Variants in ATRNL1 observed in about 807,000 individuals in gnomAD.
The protein encoded by ATRNL1 is attractin-like protein 1.
ATRNL1 carries 95 observed loss-of-function variants against 182.7 expected under a neutral mutation model. That is an observed-to-expected ratio of 0.52 (90% CI 0.44 to 0.62). The LOEUF (loss-of-function observed/expected upper bound fraction) is 0.62. Ranked by LOEUF, ATRNL1 falls within the 20% of genes least tolerant of loss-of-function variation. ATRNL1 has a pLI of 0.00. For synonymous variants in ATRNL1, 576 were observed against 568.3 expected (o/e 1.01, Z -0.19); for missense variants, 1,471 against 1,679.5 (o/e 0.88, Z 2.17).
chr10:115,544,422 G>A (rs1852530357), intron 25 of ATRNL1, among the ~76,000 whole-genome samples: 1 of 152,126 alleles, frequency 6.6e-6, no homozygotes, highest in Non-Finnish European at 1.5e-5. Flanking sequence ...TTTACAGGAA[G>A]GATGGTGCTG....
At chr10:115,738,427 G>T (rs551047060) in intron 27 of ATRNL1, among the ~76,000 whole-genome samples, 103 of 151,952 alleles carry the variant, frequency 6.8e-4, no homozygotes, top group Middle Eastern at 3.4e-3. Context: ...GGCATGAGCT[G>T]CCATGCCCAG....
At chr10:115,253,061 T>C (rs1485511548) in intron 10 of ATRNL1, among the ~76,000 whole-genome samples, 5 of 152,204 alleles carry the variant, frequency 3.3e-5, no homozygotes, top group Non-Finnish European at 5.9e-5. Context: ...TAGTATACCA[T>C]TCCTGAAACA....
chr10:115,356,436 G>C (rs1179861078), intron 19 of ATRNL1, among the ~76,000 whole-genome samples: 1 of 152,010 alleles, frequency 6.6e-6, no homozygotes, highest in African/African-American at 2.4e-5. Flanking sequence ...ATTCCAAAGA[G>C]AGGCCATCCT....
chr10:115,698,023 C>T (rs550091577), intron 26 of ATRNL1, among the ~76,000 whole-genome samples: 2 of 152,252 alleles, frequency 1.3e-5, no homozygotes, highest in Admixed American at 6.5e-5. Flanking sequence ...TTGATTTATG[C>T]TCTTTGTCAC....
chr10:115,350,301 A>C (rs1245933092), intron 19 of ATRNL1, among the ~76,000 whole-genome samples: 1 of 122,572 alleles, frequency 8.2e-6, no homozygotes, highest in African/African-American at 3.2e-5. Context: ...GCGCCACTGC[A>C]CTCCAGCCTG....
At chr10:115,242,468 A>G (rs1850462738) in intron 10 of ATRNL1, among the ~76,000 whole-genome samples, 1 of 151,940 alleles carries the variant, frequency 6.6e-6, no homozygotes. Context: ...AACCTAGCTG[A>G]TATTTAAAAT....
chr10:115,487,339 C>T (rs1384034164), intron 24 of ATRNL1, among the ~76,000 whole-genome samples: 1 of 152,064 alleles, frequency 6.6e-6, no homozygotes, highest in African/African-American at 2.4e-5. Flanking sequence ...AGCAGTATGT[C>T]CATTATCACA....
intron 8 of ATRNL1, among the ~76,000 whole-genome samples, chr10:115,209,510 A>G (rs1308380450): frequency 1.3e-5 from 2 of 149,842 alleles, no homozygotes; most frequent in African/African-American, 2.5e-5. Flanking sequence ...AACTCTTGGT[A>G]TATTTGAGTA....
At chr10:115,834,541 T>G (rs895728351) in intron 27 of ATRNL1, among the ~76,000 whole-genome samples, 2 of 152,174 alleles carry the variant, frequency 1.3e-5, no homozygotes, top group Non-Finnish European at 2.9e-5. Context: ...CTATATTTTA[T>G]TGGAATGTTC....
chr10:115,615,836 C>A (rs1857399913), intron 26 of ATRNL1, among the ~76,000 whole-genome samples: 3 of 152,064 alleles, frequency 2.0e-5, no homozygotes, highest in Non-Finnish European at 4.4e-5. Flanking sequence ...CCAAGTAAAC[C>A]CATTTTCTTT....
intron 6 of ATRNL1, among the ~76,000 whole-genome samples, chr10:115,163,837 G>A (rs1216857223): frequency 1.3e-5 from 2 of 152,146 alleles, no homozygotes; most frequent in Admixed American, 1.3e-4. Flanking sequence ...GTAGATGGGT[G>A]GACTAGTGGT....
chr10:115,111,366 A>T (rs940241834), intron 1 of ATRNL1, among the ~76,000 whole-genome samples: 5 of 152,230 alleles, frequency 3.3e-5, no homozygotes, highest in African/African-American at 1.2e-4. Context: ...ACGAAGGAAT[A>T]CTTGACGCTG....
chr10:115,510,526 A>C lies in ATRNL1; in HGVS notation c.3655-8737A>C, dbSNP rs141363393. 2.0e-3 allele frequency among the ~76,000 whole-genome samples: 310 copies of C among 152,170 alleles called. 2 individuals are homozygous for C. Among genetic ancestry groups the C allele is most frequent in the African/African-American group, 7.1e-3 (297 of 41,556 alleles). ...GCTCAGATGATCATTAGCAGTTTTT[A>C]GCCATAAAGTATTTTATATATATTT... On this transcript the variant is annotated intron_variant, in intron 24 of 28. Transcript: ENST00000355044.
At chr10:115,714,708 A>G (rs1160718676) in intron 26 of ATRNL1, among the ~76,000 whole-genome samples, 3 of 151,936 alleles carry the variant, frequency 2.0e-5, no homozygotes, top group African/African-American at 7.3e-5. Flanking sequence ...AGAAAGGGTA[A>G]TGAAGCATGT....
chr10:115,787,432 GAT>G (rs1555080633), intron 27 of ATRNL1, among the ~76,000 whole-genome samples: 1 of 152,064 alleles, frequency 6.6e-6, no homozygotes, highest in Non-Finnish European at 1.5e-5. Context: ...GCTCTTAGAA[GAT>G]ATGTCTATTT....
At chr10:115,780,059 G>A (rs1459268709) in intron 27 of ATRNL1, among the ~76,000 whole-genome samples, 1 of 152,230 alleles carries the variant, frequency 6.6e-6, no homozygotes, top group East Asian at 1.9e-4. Context: ...GCACTGAAGA[G>A]AGTAGGAAAT....
At position 115,778,324 on chromosome 10, in the gene ATRNL1, G is replaced by T. The variant is rs557593247; in HGVS notation, c.3903+50969G>T. Among the ~76,000 whole-genome samples, 8 of 150,738 alleles carry T rather than the reference G, an allele frequency of 5.3e-5. 1 individual carries two copies. The highest frequency in any genetic ancestry group is 1.9e-4 in the African/African-American group (8 of 41,070). ...TCGAAGCTTATGGCCTATTAGAAGA[G>T]GTAAGGAAAAAAAACTGTAATATAG... On this transcript the variant is annotated intron_variant, in intron 27 of 28. Transcript: ENST00000355044.
chr10:115,766,076 G>C (rs1948853140), intron 27 of ATRNL1, among the ~76,000 whole-genome samples: 2 of 152,168 alleles, frequency 1.3e-5, no homozygotes, highest in South Asian at 2.1e-4. Flanking sequence ...ATATTAGCAT[G>C]TTAGATCCAA....
At chr10:115,178,917 TC>T (rs1847638679) in intron 8 of ATRNL1, among the ~76,000 whole-genome samples, 1 of 132,370 alleles carries the variant, frequency 7.6e-6, no homozygotes, top group Non-Finnish European at 1.8e-5. Flanking sequence ...TTATAGGTAC[TC>T]TTTTTTTTTC....
Sources: gnomAD v4.1 joint callset for allele counts (sites outside exome capture counted in the v4.1 genomes callset) on GRCh38, gnomAD v4.1.1 for gene constraint, MANE v1.5 for transcripts, NCBI Gene and HGNC (gene_info 2026-07-23, HGNC 2026-07-21) for gene names.